The following TUSC3 variants were observed in gnomAD, a reference collection of about 807,000 sequenced individuals.
TUSC3 encodes dolichyl-diphosphooligosaccharide--protein glycosyltransferase subunit TUSC3.
In TUSC3, 45 loss-of-function variants were observed where a neutral mutation model predicts 44.8. That is an observed-to-expected ratio of 1.00 (90% CI 0.79 to 1.29). TUSC3 has a LOEUF of 1.29. TUSC3 is among the 50% of genes most tolerant of loss of function. The pLI is 0.00. For missense variants in TUSC3, 519 were observed against 437.9 expected (o/e 1.19, Z -1.65); for synonymous variants, 212 against 152.9 (o/e 1.39, Z -2.85).
chr8:15,809,351 G>C, the TUSC3 span, among the ~76,000 whole-genome samples: 1 of 152,252 alleles, frequency 6.6e-6, no homozygotes, highest in African/African-American at 2.4e-5. Flanking sequence ...TGCTGTTTTT[G>C]TGTATGATCT....
chr8:15,851,318 G>A, the TUSC3 span, among the ~76,000 whole-genome samples: 4 of 152,104 alleles, frequency 2.6e-5, no homozygotes, highest in East Asian at 1.9e-4. Context: ...AAAGTCCCTG[G>A]TCTTAAGGAT....
chr8:15,552,500 G>A (rs1312053673), intron 1 of TUSC3, among the ~76,000 whole-genome samples: 1 of 151,730 alleles, frequency 6.6e-6, no homozygotes, highest in Non-Finnish European at 1.5e-5. Flanking sequence ...GCATATTGGG[G>A]TGAGCTGAAA....
In TUSC3 at chr8:15,570,303, C is replaced by A. The variant is rs546348054; in HGVS notation, c.138+29735C>A. Among the ~76,000 whole-genome samples the A allele has an allele frequency of 2.0e-4, 30 of 150,118 alleles. No homozygotes were observed. The South Asian group carries it at 6.4e-3, about 32-fold the overall frequency. The stretch of plus-strand genomic sequence containing the variant: ...ACACACACACACACACACACACACA[C>A]TCTTACTGAAACACATCTAATTGAA... On this transcript the variant is annotated intron_variant, in intron 1 of 10. Transcript: ENST00000503731.
In TUSC3 at chr8:15,465,990, G is replaced by C. The variant is rs151142580; in HGVS notation, n.92-17396G>C. Among the ~76,000 whole-genome samples, 374 of 152,242 alleles carry C rather than the reference G, an allele frequency of 2.5e-3. 6 individuals are homozygous for C. The highest frequency in any genetic ancestry group is 8.5e-3 in the African/African-American group (353 of 41,532). Reference sequence around the variant, plus strand: ...AAGTGTTTGAAACTCAAATTCAAATGTTAAAACTCAAATTCAACATTTTTG... The same window carrying C: ...AAGTGTTTGAAACTCAAATTCAAATCTTAAAACTCAAATTCAACATTTTTG... On this transcript the variant is annotated intron_variant and non_coding_transcript_variant, in intron 1 of 5. Coordinates refer to the TUSC3 transcript ENST00000503191.
chr8:15,743,251 T>C (rs903182785), intron 7 of TUSC3, among the ~76,000 whole-genome samples: 2 of 152,232 alleles, frequency 1.3e-5, no homozygotes, highest in African/African-American at 2.4e-5. Flanking sequence ...TAACTGGTTT[T>C]GAGAGTCCAT....
intron 2 of TUSC3, among the ~76,000 whole-genome samples, chr8:15,493,676 C>T (rs370019644): frequency 2.6e-5 from 4 of 152,004 alleles, no homozygotes; most frequent in African/African-American, 7.3e-5. Context: ...TAGTTGCTGC[C>T]CTTAGGGAAT....
chr8:15,484,011 A>T (rs1014627383), intron 2 of TUSC3, among the ~76,000 whole-genome samples: 1 of 152,008 alleles, frequency 6.6e-6, no homozygotes, highest in African/African-American at 2.4e-5. Flanking sequence ...GGTAATTGAC[A>T]TTGCTATGTG....
At chr8:15,467,087 C>T (rs952989651) in intron 1 of TUSC3, among the ~76,000 whole-genome samples, 35 of 151,924 alleles carry the variant, frequency 2.3e-4, no homozygotes, top group African/African-American at 8.5e-4. Context: ...AGTTTAAGAG[C>T]TTGGCCTATT....
chr8:15,536,473 G>A (rs1351441439), upstream of TUSC3, among the ~76,000 whole-genome samples: 3 of 151,918 alleles, frequency 2.0e-5, no homozygotes, highest in East Asian at 5.8e-4. Flanking sequence ...CCTGAGGTCA[G>A]TAGTACGAGA....
chr8:15,442,865 T>C (rs1800038826), intron 1 of TUSC3, among the ~76,000 whole-genome samples: 1 of 152,300 alleles, frequency 6.6e-6, no homozygotes, highest in East Asian at 1.9e-4. Flanking sequence ...AGCCCAGTTG[T>C]AGACAAGAAT....
the TUSC3 span, chr8:15,806,721 C>A: frequency 1.2e-6 from 1 of 823,870 alleles, no homozygotes; most frequent in Non-Finnish European, 2.1e-6. Flanking sequence ...GCTTTGGATA[C>A]AGCCAGAGAG....
chr8:15,489,116 G>T (rs1800773116), intron 2 of TUSC3, among the ~76,000 whole-genome samples: 1 of 152,176 alleles, frequency 6.6e-6, no homozygotes, highest in Admixed American at 6.5e-5. Flanking sequence ...AACATGGTTG[G>T]GTTACAGCTT....
chr8:15,528,300 C>A (rs1440936427), intron 2 of TUSC3, among the ~76,000 whole-genome samples: 2 of 152,128 alleles, frequency 1.3e-5, no homozygotes, highest in South Asian at 4.1e-4. Context: ...GTGATTACCT[C>A]ATTTGATGAG....
the TUSC3 span, among the ~76,000 whole-genome samples, chr8:15,783,568 C>G: frequency 1.1e-4 from 17 of 152,104 alleles, no homozygotes; most frequent in South Asian, 2.1e-4. Flanking sequence ...GAAAAAAACC[C>G]AAGTTATCTA....
Position 15,592,543 on chromosome 8 carries a change from C to T in TUSC3, c.139-30537C>T, listed in dbSNP as rs1803885855. ...GTTTAAAGGAGCCTGCCACCTCCTC[C>T]TAACTCTCTTTTGCTCGCTCTCACC... On this transcript the variant is annotated intron_variant, in intron 1 of 10. Coordinates refer to ENST00000503731, the MANE Select transcript of TUSC3 (RefSeq NM_006765.4). Among the ~76,000 whole-genome samples, 3 of 152,104 alleles carry T rather than the reference C, an allele frequency of 2.0e-5. No individual in the cohort carries two copies. In the South Asian group the frequency reaches 6.2e-4, roughly 32 times the overall value.
At chr8:15,825,573 C>T in the TUSC3 span, among the ~76,000 whole-genome samples, 4 of 152,064 alleles carry the variant, frequency 2.6e-5, no homozygotes, top group Non-Finnish European at 5.9e-5. Context: ...CAAACTATAT[C>T]AGACTGGCAA....
chr8:15,461,618 C>T (rs1167888662), intron 1 of TUSC3, among the ~76,000 whole-genome samples: 1 of 151,856 alleles, frequency 6.6e-6, no homozygotes, highest in African/African-American at 2.4e-5. Context: ...TTCCAGTCCT[C>T]AGAGGGAATA....
chr8:15,759,513 A>G (rs1376552663), intron 10 of TUSC3, among the ~76,000 whole-genome samples: 1 of 152,052 alleles, frequency 6.6e-6, no homozygotes, highest in East Asian at 1.9e-4. Context: ...ACAGCAAGCC[A>G]TTATTTGCTA....
At chr8:15,738,024 TAGGG>T (rs754481038) in intron 7 of TUSC3, among the ~76,000 whole-genome samples, 3 of 152,078 alleles carry the variant, frequency 2.0e-5, no homozygotes, top group Non-Finnish European at 2.9e-5. Context: ...CTTTAAATAA[TAGGG>T]AGGGTTAGCG....
Sources: gnomAD v4.1 joint callset for allele counts (sites outside exome capture counted in the v4.1 genomes callset) on GRCh38, gnomAD v4.1.1 for gene constraint, MANE v1.5 for transcripts, NCBI Gene and HGNC (gene_info 2026-07-23, HGNC 2026-07-21) for gene names.